The following IFT43 variants were observed in gnomAD, a reference collection of about 807,000 sequenced individuals.
IFT43 encodes the protein intraflagellar transport protein 43 homolog.
Under a neutral mutation model 32.3 loss-of-function variants are expected in IFT43, and 33 were observed. The observed-to-expected ratio is 1.02, with a 90% CI of 0.77 to 1.37. IFT43 has a LOEUF of 1.37. IFT43 is among the 40% of genes most tolerant of loss of function. The pLI is 0.00. For synonymous variants in IFT43, 93 were observed against 98.2 expected (o/e 0.95, Z 0.31); for missense variants, 274 against 265.9 (o/e 1.03, Z -0.21).
intron 5 of IFT43, among the ~76,000 whole-genome samples, chr14:76,080,892 C>T (rs1348676691): frequency 6.6e-6 from 1 of 152,208 alleles, no homozygotes; most frequent in African/African-American, 2.4e-5. Flanking sequence ...ATAAGACTTG[C>T]TAAATGTGGT....
intron 5 of IFT43, among the ~76,000 whole-genome samples, chr14:76,074,274 C>G (rs1415530075): frequency 1.3e-5 from 2 of 152,122 alleles, no homozygotes; most frequent in African/African-American, 4.8e-5. Flanking sequence ...GTGGAGAGTT[C>G]CTCAGCTTCC....
intron 2 of IFT43, among the ~76,000 whole-genome samples, chr14:76,004,639 G>T (rs546800944): frequency 5.3e-5 from 8 of 152,172 alleles, no homozygotes; most frequent in Non-Finnish European, 1.0e-4. Context: ...CTTTCTCTTT[G>T]TGCCTGGGAC....
At chr14:75,991,629 G>C (rs1382666258) in intron 2 of IFT43, among the ~76,000 whole-genome samples, 1 of 152,062 alleles carries the variant, frequency 6.6e-6, no homozygotes, top group African/African-American at 2.4e-5. Context: ...GAGAATCATT[G>C]CTGTGAGAAT....
intron 2 of IFT43, among the ~76,000 whole-genome samples, chr14:76,002,855 G>A (rs542671620): frequency 6.6e-6 from 1 of 152,348 alleles, no homozygotes; most frequent in Non-Finnish European, 1.5e-5. Flanking sequence ...GACTCTACTT[G>A]AAAGAGCTGC....
rs1309782466 is a variant in IFT43 at position 75,985,796 on chromosome 14, T to A, written c.10T>A (p.Leu4Met). MED[L>M]LDLDEELRYS... ...TCAGGCGGCCGCGGAGATGGAGGAT[T>A]TGCTCGACTTGGACGAGGAGCTTCG... The change falls in exon 1 of 9, where the codon TTG becomes ATG. Residue 4 changes from leucine to methionine, a missense_variant. Leu to Met is a conservative substitution (Grantham distance 15). Coordinates refer to ENST00000314067, the MANE Select transcript of IFT43 (RefSeq NM_001102564.3). 17 of 1,614,038 alleles carry A rather than the reference T, an allele frequency of 1.1e-5. No individual in the cohort carries two copies. The highest frequency in any genetic ancestry group is 1.4e-5 in the Non-Finnish European group (17 of 1,180,036).
chr14:76,076,807 A>G (rs1177709992), intron 5 of IFT43: 2 of 1,248,624 alleles, frequency 1.6e-6, no homozygotes, highest in Non-Finnish European at 2.3e-6. Context: ...AATGTATTTC[A>G]GGCCAAATGG....
chr14:76,009,606 A>G (rs7161200), intron 2 of IFT43, among the ~76,000 whole-genome samples: 2,018 of 152,232 alleles, frequency 0.013, 47 homozygotes, highest in African/African-American at 0.046. Flanking sequence ...TTGCTTAGGT[A>G]CCTTCCTCCT....
At chr14:75,991,381 TAAC>T (rs1178970294) in intron 2 of IFT43, among the ~76,000 whole-genome samples, 2 of 133,312 alleles carry the variant, frequency 1.5e-5, no homozygotes, top group East Asian at 2.2e-4. Flanking sequence ...ATATAAATAT[TAAC>T]AAGAGTGTGT....
intron 2 of IFT43, among the ~76,000 whole-genome samples, chr14:76,016,394 A>G (rs200322208): frequency 4.6e-5 from 7 of 152,206 alleles, no homozygotes; most frequent in East Asian, 3.9e-4. Context: ...TTGGTTTTCT[A>G]TTCTCTTCCT....
chr14:76,006,498 A>G (rs1007533203), intron 2 of IFT43, among the ~76,000 whole-genome samples: 4 of 152,206 alleles, frequency 2.6e-5, no homozygotes, highest in Admixed American at 1.3e-4. Context: ...AGACTGTAGC[A>G]TGTTTTAACA....
At chr14:76,063,206 A>G (rs191053350) in intron 5 of IFT43, among the ~76,000 whole-genome samples, 1 of 152,300 alleles carries the variant, frequency 6.6e-6, no homozygotes, top group Admixed American at 6.5e-5. Context: ...TTATTGAAAT[A>G]TCATAATGCA....
rs745943176 is a variant in IFT43 at position 75,988,894 on chromosome 14, A to G, written c.64A>G (p.Met22Val). Reference sequence around the variant, plus strand: ...CTGTTTCTCCTTACAGAGGGCCAAGATGGGTCGCCGAGCTCAACAGGAGTC... The same window carrying G: ...CTGTTTCTCCTTACAGAGGGCCAAGGTGGGTCGCCGAGCTCAACAGGAGTC... ...RYSLATSRAKMGRRAQQESAQ... is the reference protein window; with the variant it reads ...RYSLATSRAKVGRRAQQESAQ... The change falls in exon 2 of 9, where the codon ATG (methionine) becomes GTG (valine). Residue 22 changes from methionine (M) to valine (V), a missense_variant. Coordinates refer to ENST00000314067, the MANE Select transcript of IFT43 (RefSeq NM_001102564.3). 4.3e-6 allele frequency: 7 copies of G among 1,613,906 alleles called. No individual in the cohort carries two copies. The South Asian group carries it at 7.7e-5, about 18-fold the overall frequency.
chr14:76,080,838 G>T (rs931948104), intron 5 of IFT43, among the ~76,000 whole-genome samples: 4 of 152,186 alleles, frequency 2.6e-5, no homozygotes, highest in Non-Finnish European at 5.9e-5. Flanking sequence ...TCTCTAGCAG[G>T]ATAGAGAGAT....
intron 3 of IFT43, among the ~76,000 whole-genome samples, chr14:76,031,376 C>A (rs868645963): frequency 2.0e-5 from 3 of 152,142 alleles, no homozygotes; most frequent in African/African-American, 7.2e-5. Context: ...TTTGTACTTA[C>A]CCGAGTCTGC....
chr14:76,051,427 C>T (rs531746495), intron 3 of IFT43, among the ~76,000 whole-genome samples: 2 of 151,922 alleles, frequency 1.3e-5, no homozygotes, highest in African/African-American at 4.8e-5. Context: ...TCCAGTGTAC[C>T]GCCTGGGATT....
chr14:76,061,743 G>A (rs995239247), intron 5 of IFT43, among the ~76,000 whole-genome samples: 11 of 152,004 alleles, frequency 7.2e-5, no homozygotes, highest in African/African-American at 2.4e-4. Flanking sequence ...TATAGACTGA[G>A]TATCCCTTAT....
chr14:76,056,938 C>G (rs1473813130), intron 3 of IFT43, among the ~76,000 whole-genome samples: 1 of 152,198 alleles, frequency 6.6e-6, no homozygotes, highest in Non-Finnish European at 1.5e-5. Context: ...CCTGGGCACC[C>G]TGCAGTGGTT....
intron 5 of IFT43, 176 bp from the exon 6 acceptor site, chr14:76,082,119 C>T (rs1468856291): frequency 6.4e-6 from 1 of 157,252 alleles, no homozygotes; most frequent in Non-Finnish European, 1.4e-5. Flanking sequence ...GCCTGGGATT[C>T]AGACATCGTT....
At chr14:76,037,047 G>A (rs575587519) in intron 3 of IFT43, among the ~76,000 whole-genome samples, 1 of 152,318 alleles carries the variant, frequency 6.6e-6, no homozygotes, top group African/African-American at 2.4e-5. Flanking sequence ...AGGTGGCCAT[G>A]ATGATTTCCT....
Sources: allele counts gnomAD v4.1 joint callset (sites outside exome capture counted in the v4.1 genomes callset), GRCh38; gene constraint gnomAD v4.1.1; transcripts MANE v1.5; gene names NCBI Gene and HGNC (gene_info 2026-07-23, HGNC 2026-07-21).